Variants in EPHA4 observed in about 807,000 individuals in gnomAD.
EPHA4 encodes ephrin type-A receptor 4.
A neutral mutation model predicts 108.3 loss-of-function variants in EPHA4; 19 were observed. The ratio of observed to expected loss-of-function variants is 0.18; its 90% CI spans 0.12 to 0.26. The LOEUF (loss-of-function observed/expected upper bound fraction) is 0.26, where lower values mean the gene tolerates loss of function less well. Among genes scored for constraint, EPHA4 ranks in the 10% least tolerant of loss-of-function variants. The pLI, the probability that EPHA4 is intolerant of heterozygous loss-of-function variation, is 1.00. For missense variants in EPHA4, 917 were observed against 1,254.0 expected, an observed-to-expected ratio of 0.73 and a Z score of 4.06; for synonymous variants, 449 against 455.5, an observed-to-expected ratio of 0.99 and a Z score of 0.18.
intron 5 of EPHA4, among the ~76,000 whole-genome samples, chr2:221,459,590 C>T (rs1195397772): frequency 6.6e-6 from 1 of 152,122 alleles, no homozygotes; most frequent in African/African-American, 2.4e-5. Flanking sequence ...CACACACTCA[C>T]ATTTACTCTT....
At chr2:221,565,292 G>C (rs915011107) in intron 2 of EPHA4, among the ~76,000 whole-genome samples, 1 of 152,068 alleles carries the variant, frequency 6.6e-6, no homozygotes, top group African/African-American at 2.4e-5. Flanking sequence ...GACAACTTGC[G>C]TCTACCACTG....
At chr2:221,482,927 G>A (rs911997122) in intron 4 of EPHA4, among the ~76,000 whole-genome samples, 6 of 152,190 alleles carry the variant, frequency 3.9e-5, no homozygotes, top group Non-Finnish European at 8.8e-5. Context: ...TTGTCACTTT[G>A]AGATGTGAAG....
chr2:221,479,882 T>C (rs1337108143), intron 5 of EPHA4, among the ~76,000 whole-genome samples: 2 of 152,300 alleles, frequency 1.3e-5, no homozygotes, highest in African/African-American at 2.4e-5. Context: ...TTACCCTTCA[T>C]GAAAATTAAA....
chr2:221,445,019 A>G (rs1320808016), intron 9 of EPHA4, among the ~76,000 whole-genome samples: 1 of 152,004 alleles, frequency 6.6e-6, no homozygotes, highest in South Asian at 2.1e-4. Context: ...TGGCCTCCCA[A>G]AGTGCTAGGA....
chr2:221,568,763 A>G lies in EPHA4; in HGVS notation c.114T>C (p.Ser38=), dbSNP rs1245591406. 2 of 1,613,760 alleles carry G rather than the reference A, an allele frequency of 1.2e-6. No homozygotes were observed. The highest frequency in any genetic ancestry group is 1.7e-6 in the Non-Finnish European group (2 of 1,179,924). The change falls in exon 2 of 18, where the codon TCT becomes TCC. Residue 38 remains serine, a synonymous_variant. Transcript: ENST00000281821. ...ANEVTLLDSR[S]VQGELGWIAS... is the part of the protein sequence containing the mutation. ...CTATCCACCCAAGTTCTCCCTGAAC[A>G]GATCTGGAATCCAATAAGGTAACTG...
At chr2:221,480,122 C>T (rs1691774483) in intron 5 of EPHA4, among the ~76,000 whole-genome samples, 1 of 118,860 alleles carries the variant, frequency 8.4e-6, no homozygotes, top group Admixed American at 1.2e-4. Context: ...CTTCTTTGTG[C>T]TCTCTGGACC....
At chr2:221,423,142 C>T (rs1458191357) in intron 17 of EPHA4, among the ~76,000 whole-genome samples, 1 of 152,196 alleles carries the variant, frequency 6.6e-6, no homozygotes, top group Non-Finnish European at 1.5e-5. Flanking sequence ...TTCTGTGGAG[C>T]TCACCGTGTT....
intron 5 of EPHA4, among the ~76,000 whole-genome samples, chr2:221,470,773 G>A (rs1011410151): frequency 2.0e-4 from 31 of 152,186 alleles, no homozygotes; most frequent in African/African-American, 7.2e-4. Flanking sequence ...AGAACATTTT[G>A]AGAATGCATC....
intron 3 of EPHA4, among the ~76,000 whole-genome samples, chr2:221,541,497 C>A (rs1189954328): frequency 6.6e-6 from 1 of 152,114 alleles, no homozygotes; most frequent in Non-Finnish European, 1.5e-5. Flanking sequence ...GCCGAAGGTG[C>A]CAGTCCTAAT....
chr2:221,514,677 C>A (rs773215410), intron 3 of EPHA4, among the ~76,000 whole-genome samples: 1 of 152,096 alleles, frequency 6.6e-6, no homozygotes, highest in Non-Finnish European at 1.5e-5. Context: ...AAATGGCATG[C>A]AGGAGAAATA....
chr2:221,519,263 C>A (rs2710510), intron 3 of EPHA4, among the ~76,000 whole-genome samples: 115,256 of 152,090 alleles, frequency 0.76, 44,318 homozygotes, highest in African/African-American at 0.9. Flanking sequence ...AACAAAACAT[C>A]GTCTATAGGA....
chr2:221,566,872 A>AAGAAGAAGAAGGAGAAGG (rs1553595907), intron 2 of EPHA4, among the ~76,000 whole-genome samples: 87 of 41,570 alleles, frequency 2.1e-3, no homozygotes, highest in East Asian at 0.016. Flanking sequence ...GAAGAAGAAG[A>AAGAAGAAGAAGGAGAAGG]AGAAGGAGAA....
intron 3 of EPHA4, among the ~76,000 whole-genome samples, chr2:221,518,067 G>A (rs1313911525): frequency 6.6e-6 from 1 of 152,196 alleles, no homozygotes; most frequent in Non-Finnish European, 1.5e-5. Flanking sequence ...TACAACTGAG[G>A]TCTTTACTTT....
chr2:221,461,753 T>C (rs1440367575), intron 5 of EPHA4, among the ~76,000 whole-genome samples: 7 of 152,198 alleles, frequency 4.6e-5, no homozygotes, highest in Admixed American at 4.6e-4. Context: ...GAAATTTTTA[T>C]AGTAGTCTTA....
intron 3 of EPHA4, among the ~76,000 whole-genome samples, chr2:221,513,042 T>C (rs914318347): frequency 1.3e-5 from 2 of 152,126 alleles, no homozygotes; most frequent in African/African-American, 2.4e-5. Flanking sequence ...AGGTGCCCCC[T>C]GAGTATCACC....
chr2:221,525,749 C>A (rs966490774), intron 3 of EPHA4, among the ~76,000 whole-genome samples: 18 of 152,108 alleles, frequency 1.2e-4, no homozygotes, highest in African/African-American at 3.9e-4. Flanking sequence ...AAGTTGGAGC[C>A]TATATCCCTT....
intron 3 of EPHA4, among the ~76,000 whole-genome samples, chr2:221,501,682 T>C (rs1433496487): frequency 6.6e-6 from 1 of 152,126 alleles, no homozygotes; most frequent in Non-Finnish European, 1.5e-5. Flanking sequence ...TTTCAGAGTG[T>C]AGCCTTTAGC....
At position 221,566,914 on chromosome 2, in the gene EPHA4, G is replaced by GAGAAGGAGA. The variant is rs1559297212; in HGVS notation, c.159+1795_159+1803dup. ...GGAGAAGGAGAAGGAGAAGGAGAAG[G>GAGAAGGAGA]AGAAGGAGAAGGAGAAGGAGAAGGA... On this transcript the variant is annotated intron_variant, in intron 2 of 17. Coordinates refer to ENST00000281821, the MANE Select transcript of EPHA4 (RefSeq NM_004438.5). Among the ~76,000 whole-genome samples, 23 of 38,786 alleles carry GAGAAGGAGA rather than the reference G, an allele frequency of 5.9e-4. 4 individuals carry two copies. Among genetic ancestry groups the GAGAAGGAGA allele is most frequent in the Non-Finnish European group, 6.7e-4 (15 of 22,506 alleles). The allele number at this position is 38,786 out of a possible 152,430, so 25.4% of individuals were successfully genotyped here. A position where few individuals can be genotyped will look rare whatever the true frequency, so the allele number is the denominator to read the frequency against.
At chr2:221,456,060 T>A (rs1209432014) in intron 7 of EPHA4, among the ~76,000 whole-genome samples, 1 of 152,186 alleles carries the variant, frequency 6.6e-6, no homozygotes, top group African/African-American at 2.4e-5. Context: ...TGGAGGTATC[T>A]GACACTAATG....
Sources: allele counts gnomAD v4.1 joint callset (sites outside exome capture counted in the v4.1 genomes callset), GRCh38; gene constraint gnomAD v4.1.1; transcripts MANE v1.5; gene names NCBI Gene and HGNC (gene_info 2026-07-23, HGNC 2026-07-21).